The following WNT4 variants were observed in gnomAD, a reference collection of about 807,000 sequenced individuals.
The protein encoded by WNT4 is protein Wnt-4.
WNT4 carries 16 observed loss-of-function variants against 34.5 expected under a neutral mutation model. The ratio of observed to expected loss-of-function variants is 0.46; its 90% CI spans 0.31 to 0.70. The LOEUF is 0.70. WNT4 is among the 30% of genes least tolerant of loss of function. The pLI is 0.04. For synonymous variants in WNT4, 200 were observed against 211.9 expected (o/e 0.94, Z 0.49); for missense variants, 379 against 495.9 (o/e 0.76, Z 2.24).
chr1:22,128,345 T>G (rs1317532047), intron 2 of WNT4, among the ~76,000 whole-genome samples: 1 of 152,198 alleles, frequency 6.6e-6, no homozygotes, highest in Non-Finnish European at 1.5e-5. Context: ...TGTCGATGGA[T>G]AGTGGCTCGG....
At position 22,138,410 on chromosome 1, in the gene WNT4, C is replaced by CG. The variant is rs955892282; in HGVS notation, c.77+4435_77+4436insC. Among the ~76,000 whole-genome samples, 5 of 152,248 alleles carry CG rather than the reference C, an allele frequency of 3.3e-5. No individual in the cohort carries two copies. In the South Asian group the frequency reaches 8.3e-4, roughly 25 times the overall value. On this transcript the variant is annotated intron_variant, in intron 1 of 4. Transcript: ENST00000290167. ...CCTGGGGGAATGATTTTGCCCGCCC[C>CG]CCAGGGGACATTTGGCAAAGTCTGC...
intron 1 of WNT4, among the ~76,000 whole-genome samples, chr1:22,136,814 G>A (rs994740629): frequency 1.3e-5 from 2 of 152,164 alleles, no homozygotes; most frequent in African/African-American, 4.8e-5. Context: ...TCCCCAGGGG[G>A]TTGACTGAGA....
intron 2 of WNT4, among the ~76,000 whole-genome samples, chr1:22,128,422 G>A (rs1234712445): frequency 2.0e-5 from 3 of 152,196 alleles, no homozygotes; most frequent in Admixed American, 6.5e-5. Context: ...CCTTGAGGGC[G>A]GGAGCTTGGC....
At chr1:22,138,923 C>G (rs1045121996) in intron 1 of WNT4, among the ~76,000 whole-genome samples, 9 of 152,204 alleles carry the variant, frequency 5.9e-5, no homozygotes, top group Non-Finnish European at 1.5e-5. Flanking sequence ...AAGTCGCACA[C>G]CAGTGGGGAC....
chr1:22,132,139 C>T (rs1166320025), intron 1 of WNT4, among the ~76,000 whole-genome samples: 1 of 150,316 alleles, frequency 6.7e-6, no homozygotes, highest in Non-Finnish European at 1.5e-5. Context: ...ACAGGTGTCC[C>T]TCGGTGGGGG....
rs909700655 is a variant in WNT4 at position 22,139,421 on chromosome 1, A to G, written c.77+3425T>C. Among the ~76,000 whole-genome samples, 3 of 152,206 alleles carry G rather than the reference A, an allele frequency of 2.0e-5. No homozygotes were observed. The highest frequency in any genetic ancestry group is 4.4e-5 in the Non-Finnish European group (3 of 68,030). On this transcript the variant is annotated intron_variant, in intron 1 of 4. Coordinates refer to ENST00000290167, the MANE Select transcript of WNT4 (RefSeq NM_030761.5). The surrounding 1 kb of genome is among the most constrained non-coding windows in gnomAD (Gnocchi z 4.6). ...CTCGGAGAGGTTAATAACCTGTCCAAGGTCACTCAGCTGGGCAGGGCAGAG... is the reference window on the plus strand; with the variant it reads ...CTCGGAGAGGTTAATAACCTGTCCAGGGTCACTCAGCTGGGCAGGGCAGAG...
rs111554929 is a variant in WNT4, at chr1:22,130,488, C to A, written c.78-637G>T. ...GTGGGCTGTGTGGACGCTTCAAAAG[C>A]CAAGTGCAGCATGCTCTCCCTCCCC... is the stretch of plus-strand genomic sequence containing the variant. On this transcript the variant is annotated intron_variant, in intron 1 of 4. Coordinates refer to ENST00000290167, the MANE Select transcript of WNT4 (RefSeq NM_030761.5). Among the ~76,000 whole-genome samples, 153 of 152,338 alleles carry A rather than the reference C, an allele frequency of 1.0e-3. 1 individual carries two copies. The highest frequency in any genetic ancestry group is 6.8e-3 in the Middle Eastern group (2 of 294).
chr1:22,130,741 G>C lies in WNT4; in HGVS notation c.78-890C>G, dbSNP rs543379040. Among the ~76,000 whole-genome samples the C allele has an allele frequency of 2.6e-5, 4 of 152,376 alleles. No homozygotes were observed. The East Asian group carries it at 7.7e-4, about 29-fold the overall frequency. On this transcript the variant is annotated intron_variant, in intron 1 of 4. Coordinates refer to ENST00000290167, the MANE Select transcript of WNT4 (RefSeq NM_030761.5). ...CTGCTACCTGGAGCAAGAGGGATCT[G>C]TGTGAGAGATGGCCTGACACTGGCC...
chr1:22,118,111 G>C lies in WNT4; in HGVS notation c.*1939C>G, dbSNP rs891489235. Reference sequence around the variant, plus strand: ...CCTCCTTGTATGGACATTGAGCAGAGATCTTGGCTGGGGGCCAAGGGTGTT... The same window carrying C: ...CCTCCTTGTATGGACATTGAGCAGACATCTTGGCTGGGGGCCAAGGGTGTT... On this transcript the variant is annotated 3_prime_UTR_variant, in exon 5 of 5. Coordinates refer to ENST00000290167, the MANE Select transcript of WNT4 (RefSeq NM_030761.5). 6.6e-6 allele frequency: 1 copy of C among 152,216 alleles called. No individual in the cohort carries two copies. The highest frequency in any genetic ancestry group is 1.5e-5 in the Non-Finnish European group (1 of 68,044). 9.4% of individuals were successfully genotyped at this position (152,216 alleles called of 1,614,324 possible).
intron 1 of WNT4, among the ~76,000 whole-genome samples, chr1:22,141,722 C>T (rs3820282): frequency 0.14 from 21,412 of 152,170 alleles, 2,295 homozygotes; most frequent in East Asian, 0.5. Flanking sequence ...CTCTGGCTGG[C>T]CACAATGACC....
intron 1 of WNT4, among the ~76,000 whole-genome samples, chr1:22,133,823 C>T (rs1285182599): frequency 2.6e-5 from 4 of 152,216 alleles, no homozygotes; most frequent in Non-Finnish European, 5.9e-5. Flanking sequence ...AGGCCCTCCC[C>T]GAGCCCGGCC....
At chr1:22,132,544 C>G (rs1006350426) in intron 1 of WNT4, among the ~76,000 whole-genome samples, 2 of 152,188 alleles carry the variant, frequency 1.3e-5, no homozygotes, top group African/African-American at 4.8e-5. Context: ...GCCTCAGGGG[C>G]CTGCTGGCCC....
At chr1:22,128,877 G>T (rs1645960270) in intron 2 of WNT4, among the ~76,000 whole-genome samples, 1 of 151,890 alleles carries the variant, frequency 6.6e-6, no homozygotes, top group Non-Finnish European at 1.5e-5. Flanking sequence ...CCGCCACCAC[G>T]CCCGGCTAAT....
In WNT4 at chr1:22,121,089, G is replaced by C. The variant is rs946356581; in HGVS notation, c.588+122C>G. The C allele has an allele frequency of 4.0e-6, 6 of 1,494,070 alleles. No individual in the cohort carries two copies. The East Asian group carries it at 1.4e-4, about 35-fold the overall frequency. 92.6% of individuals were successfully genotyped at this position (1,494,070 alleles called of 1,614,324 possible). A position where few individuals can be genotyped will look rare whatever the true frequency, so the allele number is the denominator to read the frequency against. On this transcript the variant is annotated intron_variant, in intron 4 of 4. Transcript: ENST00000290167. ...TCCTGAACCCCACTGGCCTACAGAAGGTGCCAGGTGCTGGTGAGAGCCTGC... is the reference window on the plus strand; with the variant it reads ...TCCTGAACCCCACTGGCCTACAGAACGTGCCAGGTGCTGGTGAGAGCCTGC...
intron 1 of WNT4, among the ~76,000 whole-genome samples, chr1:22,132,288 C>T (rs1014969367): frequency 2.6e-5 from 4 of 152,214 alleles, no homozygotes; most frequent in African/African-American, 9.6e-5. Flanking sequence ...TCTGCTCCCA[C>T]AGCATGCAGC....
In WNT4 at chr1:22,140,327, C is replaced by T; in HGVS notation, c.77+2519G>A. On this transcript the variant is annotated intron_variant, in intron 1 of 4. Transcript: ENST00000290167. The surrounding 1 kb of genome is among the most constrained non-coding windows in gnomAD (Gnocchi z 5.9). The stretch of plus-strand genomic sequence containing the variant: ...ACCAGCTGGGTGACTTGGGCAGTTA[C>T]CTCTGCGATCCCCAATCTTCTCATC... 1.1e-6 allele frequency: 1 copy of T among 938,780 alleles called. No individual in the cohort carries two copies. The highest frequency in any genetic ancestry group is 4.9e-5 in the South Asian group (1 of 20,336). 58.2% of individuals were successfully genotyped at this position (938,780 alleles called of 1,614,324 possible).
Position 22,140,373 on chromosome 1 carries a change from G to T in WNT4, c.77+2473C>A. ...TCATCTGTAACGGGATTGAAACGTT[G>T]TTGGGATTTAGATCATGCTGTGGGA... On this transcript the variant is annotated intron_variant, in intron 1 of 4. Transcript: ENST00000290167. The surrounding 1 kb of genome is among the most constrained non-coding windows in gnomAD (Gnocchi z 5.9). 1.6e-6 allele frequency: 1 copy of T among 637,884 alleles called. No individual in the cohort carries two copies. Among genetic ancestry groups the T allele is most frequent in the Non-Finnish European group, 2.0e-6 (1 of 512,504 alleles). 39.5% of individuals were successfully genotyped at this position (637,884 alleles called of 1,614,324 possible).
In WNT4 at chr1:22,117,704, C is replaced by G. The variant is rs937514768; in HGVS notation, c.*2346G>C. 1 of 152,284 alleles carries G rather than the reference C, an allele frequency of 6.6e-6. No homozygotes were observed. Among genetic ancestry groups the G allele is most frequent in the African/African-American group, 2.4e-5 (1 of 41,442 alleles). The allele number at this position is 152,284 out of a possible 1,614,324, so 9.4% of individuals were successfully genotyped here. A position where few individuals can be genotyped will look rare whatever the true frequency, so the allele number is the denominator to read the frequency against. Reference sequence around the variant, plus strand: ...TGGGCAGTGGTTCCTAGAATTTGGTCTCATTAACCTAGGTCGCAACCTTCA... The same window carrying G: ...TGGGCAGTGGTTCCTAGAATTTGGTGTCATTAACCTAGGTCGCAACCTTCA... On this transcript the variant is annotated 3_prime_UTR_variant, in exon 5 of 5. Transcript: ENST00000290167.
chr1:22,120,324 T>C lies in WNT4; in HGVS notation c.782A>G (p.Gln261Arg), dbSNP rs2124096455. The C allele has an allele frequency of 2.5e-6, 4 of 1,614,230 alleles. No homozygotes were observed. Among genetic ancestry groups the C allele is most frequent in the Non-Finnish European group, 3.4e-6 (4 of 1,180,040 alleles). ...GTCCTCATCTGTGTGCGGCTTGAAC[T>C]GTGCGTTGCGTGGCACCAGTGCCCT... ...SSRALVPRNA[Q>R]FKPHTDEDLV... is the part of the protein sequence containing the mutation. The change falls in exon 5 of 5, where the codon CAG becomes CGG. Residue 261 changes from glutamine (Q) to arginine (R), a missense_variant. This residue lies in a region of WNT4 where 313 missense variants were observed against 445.8 expected (regional missense o/e 0.70). Coordinates refer to ENST00000290167, the MANE Select transcript of WNT4 (RefSeq NM_030761.5).
Sources: gnomAD v4.1 joint callset for allele counts (sites outside exome capture counted in the v4.1 genomes callset) on GRCh38, gnomAD v4.1.1 for gene constraint, gnomAD v4.1.1 regional missense constraint, Gnocchi (gnomAD v3.1) non-coding constraint, MANE v1.5 for transcripts, NCBI Gene and HGNC (gene_info 2026-07-23, HGNC 2026-07-21) for gene names.